The following CSMD2 variants were observed in gnomAD, a reference collection of about 807,000 sequenced individuals.
CSMD2 encodes CUB and sushi domain-containing protein 2.
A neutral mutation model predicts 398.5 loss-of-function variants in CSMD2; 130 were observed. That is an observed-to-expected ratio of 0.33 (90% CI 0.28 to 0.38). The LOEUF is 0.38. Ranked by LOEUF, CSMD2 falls within the 10% of genes least tolerant of loss-of-function variation. CSMD2 has a pLI of 1.00. For missense variants in CSMD2, 3,829 were observed against 4,764.9 expected, an observed-to-expected ratio of 0.80 and a Z score of 5.78; for synonymous variants, 1,828 against 1,908.5, an observed-to-expected ratio of 0.96 and a Z score of 1.10.
intron 2 of CSMD2, among the ~76,000 whole-genome samples, chr1:34,037,932 T>C (rs1651356584): frequency 6.6e-6 from 1 of 152,208 alleles, no homozygotes; most frequent in Non-Finnish European, 1.5e-5. Flanking sequence ...TCACTTACAA[T>C]ATATGGAATT....
intron 25 of CSMD2, among the ~76,000 whole-genome samples, chr1:33,686,071 C>G (rs2149080625): frequency 6.6e-6 from 1 of 152,328 alleles, no homozygotes; most frequent in Non-Finnish European, 1.5e-5. Context: ...GTCATTCATT[C>G]TTTCTGGGCC....
In CSMD2 at chr1:33,725,447, T is replaced by C; in HGVS notation, c.2597A>G (p.Gln866Arg). 1 of 1,614,188 alleles carries C rather than the reference T, an allele frequency of 6.2e-7. No individual in the cohort carries two copies. Among genetic ancestry groups the C allele is most frequent in the Non-Finnish European group, 8.5e-7 (1 of 1,180,006 alleles). Residue 866 changes from glutamine to arginine, a missense_variant, in exon 17 of 71, where the codon CAG becomes CGG. By Grantham distance (43) the Gln-to-Arg change is conservative. This residue lies in a region of CSMD2 where 2,001 missense variants were observed against 2,567.1 expected (regional missense o/e 0.78). Coordinates refer to ENST00000373381, the MANE Select transcript of CSMD2 (RefSeq NM_001281956.2). ...GGTGCTGATGAGGAACTGGGGAACC[T>C]GGGTCCCGTGGTAAACCCCGATCAA... ...APLIGVYHGT[Q>R]VPQFLISTSN...
At chr1:34,014,614 C>T (rs1317593844) in intron 3 of CSMD2, among the ~76,000 whole-genome samples, 3 of 152,228 alleles carry the variant, frequency 2.0e-5, no homozygotes, top group Admixed American at 1.3e-4. Flanking sequence ...GTGCCCTAAG[C>T]GCTCAGCTCT....
chr1:33,755,374 T>C (rs1014290732), intron 13 of CSMD2, among the ~76,000 whole-genome samples: 1 of 152,220 alleles, frequency 6.6e-6, no homozygotes, highest in Non-Finnish European at 1.5e-5. Flanking sequence ...AAAGACACTG[T>C]GTGAGTTTCT....
intron 3 of CSMD2, among the ~76,000 whole-genome samples, chr1:33,964,975 CA>C (rs531155817): frequency 2.0e-5 from 3 of 152,200 alleles, no homozygotes; most frequent in Admixed American, 6.5e-5. Flanking sequence ...TGACAAGTAG[CA>C]CATGGAAAGC....
At position 33,540,616 on chromosome 1, in the gene CSMD2, A is replaced by G. The variant is rs1048586011; in HGVS notation, c.9540T>C (p.Tyr3180=). Residue 3180 remains tyrosine (Y), a synonymous_variant, in exon 60 of 71, where the codon TAT becomes TAC. Transcript: ENST00000373381. ...AGAGCTGGTACCCCTCCAGGCAGGC[A>G]TAAGTCACACTTGAGCCCCACATGA... ...SDFMWGSSVT[Y]ACLEGYQLSL... The G allele has an allele frequency of 6.2e-7, 1 of 1,614,106 alleles. No homozygotes were observed. The highest frequency in any genetic ancestry group is 8.5e-7 in the Non-Finnish European group (1 of 1,180,046).
At chr1:33,585,717 A>T (rs1639038263) in intron 46 of CSMD2, among the ~76,000 whole-genome samples, 1 of 151,906 alleles carries the variant, frequency 6.6e-6, no homozygotes, top group Admixed American at 6.6e-5. Context: ...GGTTCTTCCT[A>T]CTCTTGCTTT....
At chr1:34,127,947 TG>T (rs1239377338) in intron 1 of CSMD2, among the ~76,000 whole-genome samples, 1 of 152,002 alleles carries the variant, frequency 6.6e-6, no homozygotes, top group African/African-American at 2.4e-5. Context: ...GGACCTTGCA[TG>T]GCTGGGCACC....
In CSMD2 at chr1:33,533,684, G is replaced by T; in HGVS notation, c.9991+112C>A. 1 of 694,588 alleles carries T rather than the reference G, an allele frequency of 1.4e-6. No homozygotes were observed. Among genetic ancestry groups the T allele is most frequent in the African/African-American group, 1.8e-5 (1 of 56,230 alleles). The allele number at this position is 694,588 out of a possible 1,614,324, so 43.0% of individuals were successfully genotyped here. On this transcript the variant is annotated intron_variant, in intron 63 of 70. Transcript: ENST00000373381. The surrounding 1 kb of genome is among the most constrained non-coding windows in gnomAD (Gnocchi z 4.2). ...AAGGACTACAAAGAGACCGATGTCG[G>T]TTCGCATGGGGAGTTGTGAACTCCC...
chr1:33,597,372 T>A (rs989522834), intron 44 of CSMD2, among the ~76,000 whole-genome samples: 1 of 152,242 alleles, frequency 6.6e-6, no homozygotes. Context: ...TATCCTTTTA[T>A]GTCTTTCGAA....
Position 33,759,074 on chromosome 1 carries a change from G to T in CSMD2, c.1846+13495C>A, listed in dbSNP as rs185970923. Among the ~76,000 whole-genome samples the T allele has an allele frequency of 2.9e-3, 438 of 152,260 alleles. 2 individuals carry two copies. Among genetic ancestry groups the T allele is most frequent in the African/African-American group, 9.7e-3 (402 of 41,558 alleles). ...GTTGACTAATACACTTATAAAAAAG[G>T]GTATGAAGGAAATAAAAAGTGACAT... On this transcript the variant is annotated intron_variant, in intron 13 of 70. Transcript: ENST00000373381.
intron 62 of CSMD2, among the ~76,000 whole-genome samples, chr1:33,536,019 TCTGTC>T (rs1312215934): frequency 2.6e-5 from 4 of 152,302 alleles, no homozygotes; most frequent in Admixed American, 2.0e-4. Flanking sequence ...AGGCACCCAG[TCTGTC>T]CTGTTCCCAC....
At chr1:33,855,325 G>T (rs554062157) in intron 5 of CSMD2, among the ~76,000 whole-genome samples, 56 of 152,244 alleles carry the variant, frequency 3.7e-4, no homozygotes, top group Admixed American at 2.3e-3. Flanking sequence ...TGTGTCCCAA[G>T]CTGGGCCAAT....
intron 10 of CSMD2, among the ~76,000 whole-genome samples, chr1:33,796,292 C>T (rs1283680830): frequency 6.6e-6 from 1 of 152,180 alleles, no homozygotes; most frequent in Admixed American, 6.5e-5. Flanking sequence ...AGAAATGCAG[C>T]ACTGTTGTGG....
In CSMD2 at chr1:33,611,068, G is replaced by A. The variant is rs371966514; in HGVS notation, c.6316C>T (p.Arg2106Trp). The change falls in exon 41 of 71, where the codon CGG becomes TGG. Residue 2106 changes from arginine to tryptophan, a missense_variant. Transcript: ENST00000373381. Reference sequence around the variant, plus strand: ...TGATACTCCAGCTTGAATCCTGGCCGATTCTGGGAGTGGTCGCTGTGGAAA... The same window carrying A: ...TGATACTCCAGCTTGAATCCTGGCCAATTCTGGGAGTGGTCGCTGTGGAAA... Reference protein sequence around the residue: ...VYFHSDHSQNRPGFKLEYQAY... With the variant: ...VYFHSDHSQNWPGFKLEYQAY... The A allele has an allele frequency of 1.2e-5, 20 of 1,613,866 alleles. No individual in the cohort carries two copies. The highest frequency in any genetic ancestry group is 2.2e-5 in the South Asian group (2 of 90,978).
In CSMD2 at chr1:33,912,772, A is replaced by G. The variant is rs146732840; in HGVS notation, c.920+5322T>C. ...TTTCCTAGTCCTGCACAGAGCTCTT[A>G]GTGGTAGCTGAATTGGTAGAATCCT... On this transcript the variant is annotated intron_variant, in intron 5 of 70. Coordinates refer to ENST00000373381, the MANE Select transcript of CSMD2 (RefSeq NM_001281956.2). 3.8e-3 allele frequency among the ~76,000 whole-genome samples: 582 copies of G among 152,132 alleles called. 4 individuals are homozygous for G. The highest frequency in any genetic ancestry group is 0.013 in the African/African-American group (538 of 41,492).
intron 13 of CSMD2, among the ~76,000 whole-genome samples, chr1:33,760,566 T>C (rs1649696717): frequency 6.6e-6 from 1 of 152,318 alleles, no homozygotes; most frequent in Non-Finnish European, 1.5e-5. Flanking sequence ...ATTTTTCACT[T>C]ATTAGCTGTA....
chr1:33,814,413 C>T (rs1003185290), intron 9 of CSMD2, among the ~76,000 whole-genome samples: 2 of 152,218 alleles, frequency 1.3e-5, no homozygotes, highest in Non-Finnish European at 2.9e-5. Context: ...AGCTCACTCT[C>T]TCATTCTGCT....
At chr1:33,989,068 A>G (rs1303256537) in intron 3 of CSMD2, among the ~76,000 whole-genome samples, 3 of 95,484 alleles carry the variant, frequency 3.1e-5, no homozygotes, top group Non-Finnish European at 7.1e-5. Context: ...ATATATATAT[A>G]TGGATGCATA....
Sources: allele counts gnomAD v4.1 joint callset (sites outside exome capture counted in the v4.1 genomes callset), GRCh38; gene constraint gnomAD v4.1.1; regional missense constraint gnomAD v4.1.1; non-coding constraint Gnocchi (gnomAD v3.1); transcripts MANE v1.5; gene names NCBI Gene and HGNC (gene_info 2026-07-23, HGNC 2026-07-21).